Variants in VWF observed in about 807,000 individuals in gnomAD.
VWF encodes Factor VIII related antigen.
A neutral mutation model predicts 308.6 loss-of-function variants in VWF; 176 were observed. The ratio of observed to expected loss-of-function variants is 0.57; its 90% CI spans 0.50 to 0.65. The LOEUF is 0.65. Among genes scored for constraint, VWF ranks in the 30% least tolerant of loss-of-function variants. The pLI is 0.00. For synonymous variants in VWF, 1,385 were observed against 1,443.4 expected (o/e 0.96, Z 0.92); for missense variants, 3,146 against 3,648.2 (o/e 0.86, Z 3.55).
At position 6,024,853 on chromosome 12, in the gene VWF, A is replaced by T. The variant is rs11063990; in HGVS notation, c.3222+727T>A. On this transcript the variant is annotated intron_variant, in intron 24 of 51. Transcript: ENST00000261405. This position sits in a 1 kb window ranked among gnomAD's most constrained non-coding sequence, Gnocchi z 4.0. ...GCCTGACCAACATGGTGAAACCTTG[A>T]CTCTACTAAAAATACAAAAATTAGC... Among the ~76,000 whole-genome samples the T allele has an allele frequency of 0.28, 42,870 of 151,864 alleles. 6,825 individuals carry two copies. Among genetic ancestry groups the T allele is most frequent in the African/African-American group, 0.43 (17,604 of 41,402 alleles).
At chr12:6,105,589 A>G (rs1049609190) in intron 5 of VWF, among the ~76,000 whole-genome samples, 6 of 152,256 alleles carry the variant, frequency 3.9e-5, no homozygotes, top group Non-Finnish European at 7.3e-5. Context: ...AAGAAATTGC[A>G]TATCAAATTT....
intron 32 of VWF, 105 bp from the exon 33 acceptor site, chr12:6,012,235 T>G (rs1027543039): frequency 1.3e-4 from 156 of 1,222,076 alleles, no homozygotes; most frequent in Admixed American, 1.1e-3. Flanking sequence ...TGAAGTCAAC[T>G]CAACTCTGAA....
intron 34 of VWF, among the ~76,000 whole-genome samples, chr12:5,998,949 GA>G (rs550470312): frequency 1.3e-4 from 20 of 152,222 alleles, no homozygotes; most frequent in Non-Finnish European, 2.6e-4. Context: ...GGCTGGTCTC[GA>G]ACTCCTGACC....
chr12:5,981,950 A>C lies in VWF; in HGVS notation c.7123T>G (p.Cys2375Gly). 2.4e-5 allele frequency: 22 copies of C among 931,996 alleles called. No homozygotes were observed. The highest frequency in any genetic ancestry group is 3.4e-5 in the Non-Finnish European group (21 of 609,764). 57.7% of individuals were successfully genotyped at this position (931,996 alleles called of 1,614,324 possible). A position where few individuals can be genotyped will look rare whatever the true frequency, so the allele number is the denominator to read the frequency against. The change falls in exon 42 of 52, where the codon TGC (cysteine) becomes GGC (glycine). Residue 2375 changes from cysteine (C) to glycine (G), a missense_variant. Cys to Gly is a radical substitution (Grantham distance 159). Coordinates refer to ENST00000261405, the MANE Select transcript of VWF (RefSeq NM_000552.5). ...AGGGTGGGCAAACGGTGCGGGGGGC[A>C]GGAGGGTGGGGACACTCTTTTGCAC... ...EECKRVSPPSCPPHRLPTLRK... is the reference protein window; with the variant it reads ...EECKRVSPPSGPPHRLPTLRK...
chr12:6,110,302 G>A (rs1945292229), intron 5 of VWF, 72 bp downstream of exon 5: 5 of 1,516,568 alleles, frequency 3.3e-6, no homozygotes, highest in Non-Finnish European at 2.7e-6. Context: ...AGGCATGTTA[G>A]TGAAGGTTTA....
chr12:6,087,649 C>G (rs1008304549), intron 6 of VWF, among the ~76,000 whole-genome samples: 3 of 151,778 alleles, frequency 2.0e-5, no homozygotes, highest in Non-Finnish European at 2.9e-5. Context: ...ACAGGCTGAG[C>G]CCCCGCGCCT....
At chr12:5,968,359 A>C in intron 45 of VWF, 192 bp from the exon 46 acceptor site, 2 of 606,236 alleles carry the variant, frequency 3.3e-6, no homozygotes, top group East Asian at 2.9e-5. Flanking sequence ...TCCCTTCCCC[A>C]TGCAGCCCAC....
chr12:5,964,042 C>G (rs576302242), intron 47 of VWF, among the ~76,000 whole-genome samples: 2 of 151,986 alleles, frequency 1.3e-5, no homozygotes, highest in African/African-American at 4.8e-5. Context: ...CCCGTCTCTA[C>G]TAAAAATACA....
At position 6,075,186 on chromosome 12, in the gene VWF, G is replaced by A; in HGVS notation, c.874+149C>T. The A allele has an allele frequency of 1.0e-6, 1 of 999,964 alleles. No individual in the cohort carries two copies. The highest frequency in any genetic ancestry group is 2.0e-5 in the Admixed American group (1 of 48,964). The allele number at this position is 999,964 out of a possible 1,614,324, so 61.9% of individuals were successfully genotyped here. On this transcript the variant is annotated intron_variant, in intron 7 of 51. Coordinates refer to ENST00000261405, the MANE Select transcript of VWF (RefSeq NM_000552.5). The surrounding 1 kb of genome is among the most constrained non-coding windows in gnomAD (Gnocchi z 4.7). ...AGGGCAGGAGCCATTCAGGAAATGGGTCCGGGACACGTGGCTTTGTAGTCA... is the reference window on the plus strand; with the variant it reads ...AGGGCAGGAGCCATTCAGGAAATGGATCCGGGACACGTGGCTTTGTAGTCA...
chr12:6,086,105 G>C (rs571444233), intron 6 of VWF, among the ~76,000 whole-genome samples: 41 of 152,202 alleles, frequency 2.7e-4, no homozygotes, highest in African/African-American at 8.9e-4. Context: ...ATCCATGGGG[G>C]GTTCCGTGGA....
chr12:6,037,877 T>C (rs1944355261), intron 18 of VWF, among the ~76,000 whole-genome samples: 1 of 152,102 alleles, frequency 6.6e-6, no homozygotes. Context: ...GGACCCAGGC[T>C]AGAATCGTAT....
At chr12:5,982,416 T>C (rs1218848849) in intron 41 of VWF, among the ~76,000 whole-genome samples, 2 of 152,226 alleles carry the variant, frequency 1.3e-5, no homozygotes, top group South Asian at 2.1e-4. Flanking sequence ...CCTAGAACAA[T>C]ACCCTACACT....
At chr12:6,099,749 G>T (rs572346142) in intron 5 of VWF, among the ~76,000 whole-genome samples, 3 of 152,062 alleles carry the variant, frequency 2.0e-5, no homozygotes, top group Non-Finnish European at 1.5e-5. Context: ...ATTCAAGATG[G>T]ATTAAAGACT....
In VWF at chr12:6,019,808, C is replaced by T; in HGVS notation, c.3675-65G>A. 1 of 1,521,628 alleles carries T rather than the reference C, an allele frequency of 6.6e-7. No individual in the cohort carries two copies. The highest frequency in any genetic ancestry group is 8.9e-7 in the Non-Finnish European group (1 of 1,125,382). 94.3% of individuals were successfully genotyped at this position (1,521,628 alleles called of 1,614,324 possible). The stretch of plus-strand genomic sequence containing the variant: ...AACCTGTGGACACTTCTGAGCCCTA[C>T]AGTGTACAATGACTTCCATATTCCC... On this transcript the variant is annotated intron_variant, in intron 27 of 51. Transcript: ENST00000261405. The surrounding 1 kb of genome is among the most constrained non-coding windows in gnomAD (Gnocchi z 5.8).
Position 5,964,347 on chromosome 12 carries a change from T to C in VWF, c.7887+3139A>G, listed in dbSNP as rs538048755. On this transcript the variant is annotated intron_variant, in intron 47 of 51. Transcript: ENST00000261405. The stretch of plus-strand genomic sequence containing the variant: ...TACTGTCTCATCATTCCCTAAAAAT[T>C]ATTAGCTTTGCTTTCAGAAGAAAAA... Among the ~76,000 whole-genome samples the C allele has an allele frequency of 3.4e-5, 5 of 146,350 alleles. No homozygotes were observed. In the South Asian group the frequency reaches 1.1e-3, roughly 32 times the overall value.
At chr12:6,108,334 TACACACACACACAC>T (rs34140032) in intron 5 of VWF, among the ~76,000 whole-genome samples, 5 of 124,158 alleles carry the variant, frequency 4.0e-5, no homozygotes, top group African/African-American at 1.2e-4. Context: ...AAGAAATATA[TACACACACACACAC>T]ACACACACAC....
intron 47 of VWF, among the ~76,000 whole-genome samples, chr12:5,957,526 G>C (rs1240183593): frequency 6.6e-6 from 1 of 151,980 alleles, no homozygotes; most frequent in Non-Finnish European, 1.5e-5. Flanking sequence ...TCCAATAGAA[G>C]GGGGGAAATG....
intron 50 of VWF, 108 bp downstream of exon 50, chr12:5,951,736 A>G: frequency 8.0e-7 from 1 of 1,245,374 alleles, no homozygotes; most frequent in South Asian, 1.2e-5. Flanking sequence ...AGCTTACTCC[A>G]AAGAACAGTC....
At chr12:6,062,360 C>T (rs1411253624) in intron 13 of VWF, among the ~76,000 whole-genome samples, 4 of 152,062 alleles carry the variant, frequency 2.6e-5, no homozygotes, top group African/African-American at 7.2e-5. Flanking sequence ...ACTTCCTGTG[C>T]CCTGGTTGCC....
Sources: allele counts gnomAD v4.1 joint callset (sites outside exome capture counted in the v4.1 genomes callset), GRCh38; gene constraint gnomAD v4.1.1; non-coding constraint Gnocchi (gnomAD v3.1); transcripts MANE v1.5; gene names NCBI Gene and HGNC (gene_info 2026-07-23, HGNC 2026-07-21).